The following GPC1 variants were observed in gnomAD, a reference collection of about 807,000 sequenced individuals.
GPC1 encodes the protein glypican 1, also known as glypican-1.
A neutral mutation model predicts 51.5 loss-of-function variants in GPC1; 26 were observed. That is an observed-to-expected ratio of 0.50 (90% CI 0.37 to 0.70). The LOEUF (loss-of-function observed/expected upper bound fraction) is 0.70. Ranked by LOEUF, GPC1 falls within the 30% of genes least tolerant of loss-of-function variation. The pLI is 0.00. For synonymous variants in GPC1, 380 were observed against 348.3 expected (o/e 1.09, Z -1.01); for missense variants, 775 against 800.5 (o/e 0.97, Z 0.38).
At chr2:240,444,678 G>A (rs142581990) in intron 1 of GPC1, among the ~76,000 whole-genome samples, 167 of 152,292 alleles carry the variant, frequency 1.1e-3, no homozygotes, top group African/African-American at 3.7e-3. Context: ...TGTCCAGTGC[G>A]TCACAGAGCT....
At chr2:240,460,633 C>T (rs890260229) in intron 2 of GPC1, among the ~76,000 whole-genome samples, 6 of 152,312 alleles carry the variant, frequency 3.9e-5, no homozygotes, top group Admixed American at 1.3e-4. Flanking sequence ...GCCCTGCCGC[C>T]GCCCTCCCTC....
chr2:240,457,679 G>C (rs11695091), intron 1 of GPC1, among the ~76,000 whole-genome samples: 33,795 of 152,052 alleles, frequency 0.22, 4,191 homozygotes, highest in Middle Eastern at 0.38. Flanking sequence ...GGACAGCCTC[G>C]AGCCAGGTGC....
intron 1 of GPC1, among the ~76,000 whole-genome samples, chr2:240,438,958 C>CG (rs752569252): frequency 6.6e-6 from 1 of 152,166 alleles, no homozygotes; most frequent in Non-Finnish European, 1.5e-5. Flanking sequence ...AGTGGCACCC[C>CG]GGGTGCCCCT....
chr2:240,440,509 G>A (rs2074011095), intron 1 of GPC1, among the ~76,000 whole-genome samples: 1 of 152,120 alleles, frequency 6.6e-6, no homozygotes, highest in Non-Finnish European at 1.5e-5. Context: ...CCATCTCTTA[G>A]GCTCATTTAG....
rs1399219203 is a variant in GPC1, at chr2:240,467,175, C to T, written c.*885C>T. ...CGCCTGCTCCCATCCTCACCCAGAT[C>T]AGGAACCAGGGCCTCCCTGTTCACG... On this transcript the variant is annotated 3_prime_UTR_variant, in exon 9 of 9. Transcript: ENST00000264039. 1.3e-5 allele frequency: 2 copies of T among 152,320 alleles called. No homozygotes were observed. Among genetic ancestry groups the T allele is most frequent in the Non-Finnish European group, 2.9e-5 (2 of 68,100 alleles). 9.4% of individuals were successfully genotyped at this position (152,320 alleles called of 1,614,324 possible). A position where few individuals can be genotyped will look rare whatever the true frequency, so the allele number is the denominator to read the frequency against.
rs762128244 is a variant in GPC1, at chr2:240,462,245, C to A, written c.380C>A (p.Pro127His). The A allele has an allele frequency of 6.2e-7, 1 of 1,610,654 alleles. No individual in the cohort carries two copies. The highest frequency in any genetic ancestry group is 1.1e-5 in the South Asian group (1 of 90,822). Residue 127 changes from proline to histidine, a missense_variant, in exon 3 of 9, where the codon CCC becomes CAC. By Grantham distance (77) the Pro-to-His change is moderately conservative. Coordinates refer to ENST00000264039, the MANE Select transcript of GPC1 (RefSeq NM_002081.3). ...DSERTLQATF[P>H]GAFGELYTQN... ...GAGCGGACGCTGCAGGCCACCTTCCCCGGCGCCTTCGGAGAGCTGTACACG... is the reference window on the plus strand; with the variant it reads ...GAGCGGACGCTGCAGGCCACCTTCCACGGCGCCTTCGGAGAGCTGTACACG...
intron 1 of GPC1, among the ~76,000 whole-genome samples, chr2:240,454,352 C>T (rs571249648): frequency 6.6e-6 from 1 of 152,268 alleles, no homozygotes; most frequent in Admixed American, 6.5e-5. Flanking sequence ...TCCAGTGCAC[C>T]CTCACCCCAG....
chr2:240,448,766 G>A lies in GPC1; in HGVS notation c.167-10264G>A, dbSNP rs559475819. Among the ~76,000 whole-genome samples the A allele has an allele frequency of 9.2e-5, 14 of 152,204 alleles. No individual in the cohort carries two copies. The highest frequency in any genetic ancestry group is 2.9e-4 in the African/African-American group (12 of 41,534). On this transcript the variant is annotated intron_variant, in intron 1 of 8. Coordinates refer to ENST00000264039, the MANE Select transcript of GPC1 (RefSeq NM_002081.3). This position sits in a 1 kb window ranked among gnomAD's most constrained non-coding sequence, Gnocchi z 4.5. Reference sequence around the variant, plus strand: ...GACCGGCAGTTATCCCTCCCCGGACGTGGCCTTGCAGACACCAGCCCAGCT... The same window carrying A: ...GACCGGCAGTTATCCCTCCCCGGACATGGCCTTGCAGACACCAGCCCAGCT...
chr2:240,450,698 G>C (rs373403656), intron 1 of GPC1: 1 of 468,756 alleles, frequency 2.1e-6, no homozygotes, highest in Non-Finnish European at 4.4e-6. Flanking sequence ...GGTGTGGCTC[G>C]TGGGCCATGC....
intron 4 of GPC1, 42 bp downstream of exon 4, chr2:240,463,554 G>A (rs777260319): frequency 1.5e-5 from 24 of 1,584,098 alleles, no homozygotes; most frequent in African/African-American, 1.3e-5. Flanking sequence ...CTGTCTTGGG[G>A]AGTGCACGAC....
chr2:240,449,866 A>G (rs1297296354), intron 1 of GPC1: 3 of 470,750 alleles, frequency 6.4e-6, no homozygotes, highest in Non-Finnish European at 1.3e-5. Context: ...TCCACGCCGG[A>G]GCATGTGTCA....
chr2:240,464,309 C>T, intron 4 of GPC1: 2 of 402,822 alleles, frequency 5.0e-6, no homozygotes, highest in South Asian at 2.3e-5. Flanking sequence ...TACATGTCAA[C>T]ACCTGCATGA....
At chr2:240,446,611 T>G (rs1032223854) in intron 1 of GPC1, among the ~76,000 whole-genome samples, 1 of 152,204 alleles carries the variant, frequency 6.6e-6, no homozygotes, top group Non-Finnish European at 1.5e-5. Flanking sequence ...AAGTGCAGTT[T>G]GGCCCCTCTC....
In GPC1 at chr2:240,461,682, G is replaced by A. The variant is rs550802370; in HGVS notation, c.326-509G>A. Reference sequence around the variant, plus strand: ...CTGAGAGAAGACAAGAAGCCTAGGAGAGCAGCCGAGACAGGGTGGCGGGAG... The same window carrying A: ...CTGAGAGAAGACAAGAAGCCTAGGAAAGCAGCCGAGACAGGGTGGCGGGAG... On this transcript the variant is annotated intron_variant, in intron 2 of 8. Transcript: ENST00000264039. 2.6e-5 allele frequency among the ~76,000 whole-genome samples: 4 copies of A among 152,268 alleles called. No individual in the cohort carries two copies. In the South Asian group the frequency reaches 8.3e-4, roughly 32 times the overall value.
At chr2:240,453,375 GCCCCGCTCCCTCCGC>G (rs2074122622) in intron 1 of GPC1, among the ~76,000 whole-genome samples, 1 of 2,542 alleles carries the variant, frequency 3.9e-4, no homozygotes, top group African/African-American at 1.6e-3. Flanking sequence ...CCCTCCGCCC[GCCCCGCTCCCTCCGC>G]CCGCCCCGCT....
chr2:240,457,046 G>A (rs1056321370), intron 1 of GPC1, among the ~76,000 whole-genome samples: 2 of 152,122 alleles, frequency 1.3e-5, no homozygotes, highest in Non-Finnish European at 2.9e-5. Context: ...AAGGAGGGGC[G>A]GGGGGCGCAG....
At position 240,448,351 on chromosome 2, in the gene GPC1, CTCTG is replaced by C. The variant is rs1039803587; in HGVS notation, c.167-10674_167-10671del. 2.9e-5 allele frequency among the ~76,000 whole-genome samples: 4 copies of C among 136,392 alleles called. No individual in the cohort carries two copies. Among genetic ancestry groups the C allele is most frequent in the South Asian group, 2.3e-4 (1 of 4,302 alleles). The allele number at this position is 136,392 out of a possible 152,430, so 89.5% of individuals were successfully genotyped here. A position where few individuals can be genotyped will look rare whatever the true frequency, so the allele number is the denominator to read the frequency against. On this transcript the variant is annotated intron_variant, in intron 1 of 8. Coordinates refer to ENST00000264039, the MANE Select transcript of GPC1 (RefSeq NM_002081.3). The surrounding 1 kb of genome is among the most constrained non-coding windows in gnomAD (Gnocchi z 4.5). ...GCCATCTCATGGGATCCTGGCATCC[CTCTG>C]TCTGCCAGGCAGTCCGGGTGTAGAT...
At position 240,465,071 on chromosome 2, in the gene GPC1, C is replaced by T. The variant is rs1574780765; in HGVS notation, c.1135-6C>T. ...GCAGCCCAGTGGCCTGACTGCTGCCCCACAGGTCTCCGAAGCCAAGGCCCA... is the reference window on the plus strand; with the variant it reads ...GCAGCCCAGTGGCCTGACTGCTGCCTCACAGGTCTCCGAAGCCAAGGCCCA... On this transcript the variant is annotated splice_polypyrimidine_tract_variant and splice_region_variant and intron_variant, in intron 6 of 8. Coordinates refer to ENST00000264039, the MANE Select transcript of GPC1 (RefSeq NM_002081.3). The T allele has an allele frequency of 1.9e-6, 3 of 1,600,774 alleles. No homozygotes were observed. The highest frequency in any genetic ancestry group is 2.3e-5 in the East Asian group (1 of 44,268).
chr2:240,451,395 C>G, intron 1 of GPC1: 1 of 398,474 alleles, frequency 2.5e-6, no homozygotes, highest in East Asian at 7.4e-5. Flanking sequence ...GCCTGTGGCC[C>G]CTGCAGTGGG....
Sources: gnomAD v4.1 joint callset for allele counts (sites outside exome capture counted in the v4.1 genomes callset) on GRCh38, gnomAD v4.1.1 for gene constraint, Gnocchi (gnomAD v3.1) non-coding constraint, MANE v1.5 for transcripts, NCBI Gene and HGNC (gene_info 2026-07-23, HGNC 2026-07-21) for gene names.